The following KIF21B variants were observed in gnomAD, a reference collection of about 807,000 sequenced individuals.
The protein encoded by KIF21B is kinesin-like protein KIF21B.
In KIF21B, 85 loss-of-function variants were observed where a neutral mutation model predicts 192.9. The ratio of observed to expected loss-of-function variants is 0.44; its 90% CI spans 0.37 to 0.53. The LOEUF (loss-of-function observed/expected upper bound fraction) is 0.53, where lower values mean the gene tolerates loss of function less well. Ranked by LOEUF, KIF21B falls within the 20% of genes least tolerant of loss-of-function variation. KIF21B has a pLI of 0.00. For synonymous variants in KIF21B, 832 were observed against 884.6 expected (o/e 0.94, Z 1.05); for missense variants, 1,716 against 2,194.8 (o/e 0.78, Z 4.36).
chr1:200,990,473 G>T lies in KIF21B; in HGVS notation c.2835+103C>A. 6.7e-7 allele frequency: 1 copy of T among 1,500,200 alleles called. No homozygotes were observed. Among genetic ancestry groups the T allele is most frequent in the Non-Finnish European group, 9.1e-7 (1 of 1,099,536 alleles). The allele number at this position is 1,500,200 out of a possible 1,614,324, so 92.9% of individuals were successfully genotyped here. Reference sequence around the variant, plus strand: ...GATTCCAGAGCAGGCAAAAGGAGCAGAGGGAAGTGGGGCAGGGAAAGGTCT... The same window carrying T: ...GATTCCAGAGCAGGCAAAAGGAGCATAGGGAAGTGGGGCAGGGAAAGGTCT... On this transcript the variant is annotated intron_variant, in intron 19 of 34. Transcript: ENST00000461742. This position sits in a 1 kb window ranked among gnomAD's most constrained non-coding sequence, Gnocchi z 5.4.
At chr1:200,979,290 TGGGCTGTG>T (rs1476768237) in intron 30 of KIF21B, among the ~76,000 whole-genome samples, 1 of 152,212 alleles carries the variant, frequency 6.6e-6, no homozygotes, top group Non-Finnish European at 1.5e-5. Context: ...CTTGGGGGAC[TGGGCTGTG>T]GGTGGAGGCC....
At position 201,017,341 on chromosome 1, in the gene KIF21B, G is replaced by C. The variant is rs1288412964; in HGVS notation, c.41+6002C>G. On this transcript the variant is annotated intron_variant, in intron 1 of 34. Coordinates refer to ENST00000461742, the MANE Select transcript of KIF21B (RefSeq NM_001252102.2). The surrounding 1 kb of genome is among the most constrained non-coding windows in gnomAD (Gnocchi z 4.1). ...GGCCACACAAGCCTGGCTGTGAGCA[G>C]GAGCCAGGAACTTCCTGGGCCAGGG... 6.6e-6 allele frequency among the ~76,000 whole-genome samples: 1 copy of C among 152,210 alleles called. No individual in the cohort carries two copies. Among genetic ancestry groups the C allele is most frequent in the African/African-American group, 2.4e-5 (1 of 41,452 alleles).
chr1:201,001,396 T>A (rs1480790457), intron 9 of KIF21B: 2 of 152,730 alleles, frequency 1.3e-5, no homozygotes, highest in African/African-American at 4.8e-5. Context: ...TTTTTTAAAT[T>A]TTTATTTTTT....
Position 200,975,612 on chromosome 1 carries a change from G to A in KIF21B, c.4501C>T (p.Pro1501Ser). Residue 1501 changes from proline (P) to serine (S), a missense_variant, in exon 33 of 35, where the codon CCC becomes TCC. By Grantham distance (74) the Pro-to-Ser change is moderately conservative. Around this residue, in one of 3 missense-constraint regions of KIF21B, gnomAD observed 580 missense variants for 775.5 expected, o/e 0.75. Coordinates refer to ENST00000461742, the MANE Select transcript of KIF21B (RefSeq NM_001252102.2). The surrounding 1 kb of genome is among the most constrained non-coding windows in gnomAD (Gnocchi z 4.3). ...GTIGPTHNFEPPHYDGIECLA... is the reference protein window; with the variant it reads ...GTIGPTHNFESPHYDGIECLA... ...CACTCGATGCCATCGTAGTGCGGGG[G>A]CTCGAAGTTGTGAGTGGGGCCGATG... The A allele has an allele frequency of 6.2e-7, 1 of 1,613,998 alleles. No individual in the cohort carries two copies. Among genetic ancestry groups the A allele is most frequent in the Non-Finnish European group, 8.5e-7 (1 of 1,179,878 alleles).
intron 2 of KIF21B, 104 bp from the exon 3 acceptor site, chr1:201,009,055 GTTC>G: frequency 5.9e-6 from 8 of 1,360,748 alleles, no homozygotes; most frequent in Non-Finnish European, 7.0e-6. Flanking sequence ...TCCCAGCCCG[GTTC>G]CCCTGCTGCT....
At chr1:201,006,363 T>C (rs1465241682) in intron 3 of KIF21B, among the ~76,000 whole-genome samples, 1 of 152,090 alleles carries the variant, frequency 6.6e-6, no homozygotes, top group Non-Finnish European at 1.5e-5. Flanking sequence ...GCATGGAAAG[T>C]GTCACCTGCT....
Position 200,990,775 on chromosome 1 carries a change from G to A in KIF21B, c.2688-52C>T. ...GATGGGACTCCTTTTAACCTCTGCA[G>A]CTCCACTGAGCCCCCATCTGGAGCT... On this transcript the variant is annotated intron_variant, in intron 18 of 34. Transcript: ENST00000461742. This position sits in a 1 kb window ranked among gnomAD's most constrained non-coding sequence, Gnocchi z 5.4. 1 of 1,604,068 alleles carries A rather than the reference G, an allele frequency of 6.2e-7. No individual in the cohort carries two copies. Among genetic ancestry groups the A allele is most frequent in the South Asian group, 1.1e-5 (1 of 90,326 alleles).
chr1:200,979,761 C>T lies in KIF21B; in HGVS notation c.3980-46G>A, dbSNP rs200846856. ...CCACAGGGAGGGGAGGGATGTCAGC[C>T]ACTAGGGGGCGCAGCTCCACCTCTG... On this transcript the variant is annotated intron_variant, in intron 29 of 34. Transcript: ENST00000461742. The T allele has an allele frequency of 1.9e-5, 28 of 1,457,040 alleles. No individual in the cohort carries two copies. The East Asian group carries it at 6.3e-4, about 33-fold the overall frequency. The allele number at this position is 1,457,040 out of a possible 1,614,324, so 90.3% of individuals were successfully genotyped here.
At position 201,005,633 on chromosome 1, in the gene KIF21B, C is replaced by T. The variant is rs201113105; in HGVS notation, c.509G>A (p.Arg170His). Residue 170 changes from arginine to histidine, a missense_variant, in exon 4 of 35, where the codon CGC becomes CAC. Transcript: ENST00000461742. ...CTCGTGGATCTTGATGTTGGACCTGCGGTGGCGGGTGTCAGGGTCACGGGT... is the reference window on the plus strand; with the variant it reads ...CTCGTGGATCTTGATGTTGGACCTGTGGTGGCGGGTGTCAGGGTCACGGGT... Reference protein sequence around the residue: ...DSTRDPDTRHRRSNIKIHEDA... With the variant: ...DSTRDPDTRHHRSNIKIHEDA... The T allele has an allele frequency of 1.6e-5, 26 of 1,614,148 alleles. No individual in the cohort carries two copies. In the South Asian group the frequency reaches 1.9e-4, roughly 12 times the overall value.
rs1402440194 is a variant in KIF21B at position 201,003,701 on chromosome 1, C to T, written c.1097G>A (p.Arg366Gln). The T allele has an allele frequency of 1.2e-6, 2 of 1,614,158 alleles. No individual in the cohort carries two copies. The highest frequency in any genetic ancestry group is 8.5e-7 in the Non-Finnish European group (1 of 1,180,034). Residue 366 changes from arginine (R) to glutamine (Q), a missense_variant, in exon 8 of 35, where the codon CGG becomes CAG. Physicochemically the swap from Arg to Gln is conservative, Grantham distance 43. Transcript: ENST00000461742. The part of the protein sequence containing the change: ...ETLNTLKYAN[R>Q]ARNIKNKVVV... ...CACCTTGTTCTTGATGTTGCGGGCC[C>T]GATTGGCATATTTGAGTGTGTTGAG...
In KIF21B at chr1:200,974,890, G is replaced by C; in HGVS notation, c.4638C>G (p.Asp1546Glu). 6.2e-7 allele frequency: 1 copy of C among 1,613,988 alleles called. No individual in the cohort carries two copies. Among genetic ancestry groups the C allele is most frequent in the South Asian group, 1.1e-5 (1 of 91,084 alleles). The change falls in exon 34 of 35, where the codon GAC (aspartate) becomes GAG (glutamate). Residue 1546 changes from aspartate to glutamate, a missense_variant. This residue lies in a region of KIF21B where 580 missense variants were observed against 775.5 expected (regional missense o/e 0.75). Coordinates refer to ENST00000461742, the MANE Select transcript of KIF21B (RefSeq NM_001252102.2). The stretch of plus-strand genomic sequence containing the variant: ...GGATGAAGGCCAGGGCGCACACCCA[G>C]TCCTTGTGCGCATTGGGGATTTGCT... ...LIQQIPNAHK[D>E]WVCALAFIPG...
chr1:201,016,303 C>G (rs1475911918), intron 1 of KIF21B, among the ~76,000 whole-genome samples: 1 of 152,238 alleles, frequency 6.6e-6, no homozygotes, highest in African/African-American at 2.4e-5. Flanking sequence ...GTGCCACAAG[C>G]TGTCTGCTGG....
intron 1 of KIF21B, among the ~76,000 whole-genome samples, chr1:201,016,807 C>T (rs899212792): frequency 1.3e-5 from 2 of 152,220 alleles, no homozygotes; most frequent in Non-Finnish European, 2.9e-5. Flanking sequence ...CCTCCTGAGA[C>T]TGCCCTCAGG....
chr1:200,985,043 C>T (rs1656196790), intron 26 of KIF21B, 71 bp from the exon 27 acceptor site: 4 of 1,093,302 alleles, frequency 3.7e-6, no homozygotes, highest in Non-Finnish European at 5.3e-6. Flanking sequence ...TGGTGCTGGG[C>T]TTCCACCTTC....
chr1:200,981,058 C>T lies in KIF21B; in HGVS notation c.3881G>A (p.Arg1294Gln), dbSNP rs758674671. Residue 1294 changes from arginine to glutamine, a missense_variant, in exon 29 of 35, where the codon CGG (arginine) becomes CAG (glutamine). Arg to Gln is a conservative substitution (Grantham distance 43). Around this residue, in one of 3 missense-constraint regions of KIF21B, gnomAD observed 580 missense variants for 775.5 expected, o/e 0.75. Transcript: ENST00000461742. ...ISPVGGAKGARTAPLQCVSMA... is the reference protein window; with the variant it reads ...ISPVGGAKGAQTAPLQCVSMA... Reference sequence around the variant, plus strand: ...GGAGACACACTGCAGTGGGGCCGTCCGTGCACCCTTGGCTCCTCCAACCGG... The same window carrying T: ...GGAGACACACTGCAGTGGGGCCGTCTGTGCACCCTTGGCTCCTCCAACCGG... The T allele has an allele frequency of 4.4e-6, 7 of 1,606,416 alleles. No individual in the cohort carries two copies. The highest frequency in any genetic ancestry group is 1.7e-5 in the Admixed American group (1 of 58,102).
At chr1:200,989,716 C>T (rs1057512254) in intron 21 of KIF21B, among the ~76,000 whole-genome samples, 7 of 152,246 alleles carry the variant, frequency 4.6e-5, no homozygotes, top group African/African-American at 1.4e-4. Context: ...GGCCACGTCC[C>T]TTACACACAG....
intron 15 of KIF21B, among the ~76,000 whole-genome samples, chr1:200,993,920 G>A (rs1029473026): frequency 6.6e-6 from 1 of 151,628 alleles, no homozygotes; most frequent in African/African-American, 2.4e-5. Flanking sequence ...TTGCTGCTGG[G>A]GCTTTGGGGT....
chr1:200,991,551 C>T, intron 17 of KIF21B, 106 bp downstream of exon 17: 1 of 1,172,514 alleles, frequency 8.5e-7, no homozygotes, highest in Non-Finnish European at 1.3e-6. Context: ...GCCTTTATTC[C>T]ACCGCCAGGA....
Position 200,975,005 on chromosome 1 carries a change from C to G in KIF21B, c.4615-92G>C. On this transcript the variant is annotated intron_variant, in intron 33 of 34. Coordinates refer to ENST00000461742, the MANE Select transcript of KIF21B (RefSeq NM_001252102.2). The surrounding 1 kb of genome is among the most constrained non-coding windows in gnomAD (Gnocchi z 4.3). The stretch of plus-strand genomic sequence containing the variant: ...CCTCTTGCTAGTAGTGGAGCTACTT[C>G]CAGGCTCCCCTGGCCTCTAGAGCTG... 2 of 1,294,576 alleles carry G rather than the reference C, an allele frequency of 1.5e-6. No individual in the cohort carries two copies. The highest frequency in any genetic ancestry group is 2.2e-6 in the Non-Finnish European group (2 of 919,310). The allele number at this position is 1,294,576 out of a possible 1,614,324, so 80.2% of individuals were successfully genotyped here. A position where few individuals can be genotyped will look rare whatever the true frequency, so the allele number is the denominator to read the frequency against.
Sources: gnomAD v4.1 joint callset for allele counts (sites outside exome capture counted in the v4.1 genomes callset) on GRCh38, gnomAD v4.1.1 for gene constraint, gnomAD v4.1.1 regional missense constraint, Gnocchi (gnomAD v3.1) non-coding constraint, MANE v1.5 for transcripts, NCBI Gene and HGNC (gene_info 2026-07-23, HGNC 2026-07-21) for gene names.